The following DSCAM variants were observed in gnomAD, a reference collection of about 807,000 sequenced individuals.
DSCAM encodes cell adhesion molecule DSCAM.
Under a neutral mutation model 217.7 loss-of-function variants are expected in DSCAM, and 47 were observed. That is an observed-to-expected ratio of 0.22 (90% confidence interval 0.17 to 0.28). The LOEUF is 0.28. DSCAM is among the 10% of genes least tolerant of loss of function. The pLI is 1.00. For missense variants in DSCAM, 2,080 were observed against 2,618.3 expected, an observed-to-expected ratio of 0.79 and a Z score of 4.49; for synonymous variants, 1,056 against 1,015.3, an observed-to-expected ratio of 1.04 and a Z score of -0.76.
intron 1 of DSCAM, among the ~76,000 whole-genome samples, chr21:40,754,142 A>G (rs1601215561): frequency 6.6e-6 from 1 of 152,120 alleles, no homozygotes; most frequent in African/African-American, 2.4e-5. Flanking sequence ...CGCACACCAG[A>G]CCCTCCGACA....
chr21:40,175,508 G>T (rs1183178040), intron 15 of DSCAM, among the ~76,000 whole-genome samples: 1 of 151,978 alleles, frequency 6.6e-6, no homozygotes. Flanking sequence ...TCATTCTTCT[G>T]GTTCATAGAT....
chr21:40,697,958 C>T (rs780709943), intron 2 of DSCAM, among the ~76,000 whole-genome samples: 12 of 152,234 alleles, frequency 7.9e-5, no homozygotes, highest in South Asian at 2.1e-4. Context: ...TTCCAATCAA[C>T]GAGCATGAAA....
intron 3 of DSCAM, among the ~76,000 whole-genome samples, chr21:40,572,627 A>C (rs1177943217): frequency 1.3e-5 from 2 of 152,234 alleles, no homozygotes; most frequent in African/African-American, 4.8e-5. Flanking sequence ...GACCGAGTAC[A>C]ATTCAAGACA....
In DSCAM at chr21:40,785,054, C is replaced by T. The variant is rs140003973; in HGVS notation, c.43+61565G>A. ...CAGAAAGATAACTTCCAAGTCAACTCGATGATTCTGCACTAAAAGCTTTTT... is the reference window on the plus strand; with the variant it reads ...CAGAAAGATAACTTCCAAGTCAACTTGATGATTCTGCACTAAAAGCTTTTT... On this transcript the variant is annotated intron_variant, in intron 1 of 32. Transcript: ENST00000400454. Among the ~76,000 whole-genome samples, 809 of 152,264 alleles carry T rather than the reference C, an allele frequency of 5.3e-3. 8 individuals are homozygous for T. Among genetic ancestry groups the T allele is most frequent in the African/African-American group, 0.016 (681 of 41,550 alleles).
rs138647063 is a variant in DSCAM, at chr21:40,366,171, A to G, written c.655+2928T>C. On this transcript the variant is annotated intron_variant, in intron 4 of 32. Transcript: ENST00000400454. The stretch of plus-strand genomic sequence containing the variant: ...GTAGGGTTGTGCCATTTTAATATGT[A>G]GTCATTATGCATTCTTTTTAATGAC... Among the ~76,000 whole-genome samples, 3 of 152,262 alleles carry G rather than the reference A, an allele frequency of 2.0e-5. No individual in the cohort carries two copies. The South Asian group carries it at 6.2e-4, about 32-fold the overall frequency.
At chr21:40,720,399 T>C (rs145908322) in intron 1 of DSCAM, among the ~76,000 whole-genome samples, 157 of 152,336 alleles carry the variant, frequency 1.0e-3, no homozygotes, top group Non-Finnish European at 1.7e-3. Context: ...ATCAGTTAAA[T>C]GATGGGCTTA....
chr21:40,765,979 C>T (rs1329914838), intron 1 of DSCAM, among the ~76,000 whole-genome samples: 3 of 152,252 alleles, frequency 2.0e-5, no homozygotes, highest in Non-Finnish European at 4.4e-5. Flanking sequence ...CTCTGGCAGC[C>T]TCCCTCTTAC....
chr21:40,268,767 G>A (rs975459214), intron 11 of DSCAM, among the ~76,000 whole-genome samples: 1 of 152,070 alleles, frequency 6.6e-6, no homozygotes, highest in African/African-American at 2.4e-5. Flanking sequence ...TGGCCAACAT[G>A]GTGAAACCCC....
intron 3 of DSCAM, among the ~76,000 whole-genome samples, chr21:40,524,528 TATC>T (rs59048946): frequency 0.022 from 3,350 of 152,284 alleles, 119 homozygotes; most frequent in African/African-American, 0.075. Context: ...CTTTCTGTGT[TATC>T]ATGTATTAAC....
Position 40,016,473 on chromosome 21 carries a change from T to TA in DSCAM, c.5687-3088dup, listed in dbSNP as rs2088160415. 6.6e-6 allele frequency among the ~76,000 whole-genome samples: 1 copy of TA among 152,254 alleles called. No individual in the cohort carries two copies. The highest frequency in any genetic ancestry group is 2.4e-5 in the African/African-American group (1 of 41,476). ...AGACAAGATATCTAGTAGGTATTTT[T>TA]ATCATAGAAACGTAGCTCTAGGATG... On this transcript the variant is annotated intron_variant, in intron 32 of 32. Coordinates refer to ENST00000400454, the MANE Select transcript of DSCAM (RefSeq NM_001389.5). This position sits in a 1 kb window ranked among gnomAD's most constrained non-coding sequence, Gnocchi z 4.3.
intron 3 of DSCAM, among the ~76,000 whole-genome samples, chr21:40,571,210 G>A (rs1485878096): frequency 1.3e-5 from 2 of 151,614 alleles, no homozygotes; most frequent in Non-Finnish European, 2.9e-5. Flanking sequence ...AATTCAAAAT[G>A]CTGAAAAAAA....
chr21:40,079,503 C>G (rs925730084), intron 25 of DSCAM, among the ~76,000 whole-genome samples: 21 of 152,284 alleles, frequency 1.4e-4, no homozygotes, highest in African/African-American at 4.6e-4. Flanking sequence ...AAATAATACC[C>G]TTGCTATCTC....
intron 5 of DSCAM, 111 bp downstream of exon 5, chr21:40,353,354 A>G (rs565372722): frequency 1.1e-5 from 15 of 1,414,442 alleles, no homozygotes; most frequent in Non-Finnish European, 1.4e-5. Flanking sequence ...TCTCAGCTGG[A>G]CTGTTTTGGG....
intron 25 of DSCAM, among the ~76,000 whole-genome samples, chr21:40,079,442 C>T (rs192052689): frequency 2.1e-4 from 32 of 152,242 alleles, no homozygotes; most frequent in Non-Finnish European, 4.0e-4. Context: ...AATCAATCCC[C>T]GATCATTTGA....
chr21:40,566,314 G>C (rs1029543856), intron 3 of DSCAM, among the ~76,000 whole-genome samples: 1 of 151,996 alleles, frequency 6.6e-6, no homozygotes, highest in Non-Finnish European at 1.5e-5. Context: ...CCATCATCCA[G>C]AGAAGACAAG....
chr21:40,577,728 G>A (rs1157416646), intron 3 of DSCAM, among the ~76,000 whole-genome samples: 1 of 152,188 alleles, frequency 6.6e-6, no homozygotes, highest in East Asian at 1.9e-4. Flanking sequence ...CAATTTTACA[G>A]AAGTTAAGTA....
At chr21:40,609,451 C>T (rs1372383226) in intron 3 of DSCAM, among the ~76,000 whole-genome samples, 1 of 152,120 alleles carries the variant, frequency 6.6e-6, no homozygotes, top group South Asian at 2.1e-4. Context: ...TTATGTTTTG[C>T]CTGGCTTTCT....
At chr21:40,111,805 A>T (rs944136810) in intron 20 of DSCAM, among the ~76,000 whole-genome samples, 1 of 152,104 alleles carries the variant, frequency 6.6e-6, no homozygotes, top group African/African-American at 2.4e-5. Flanking sequence ...AACAAAGATC[A>T]AAAGAGACAA....
In DSCAM at chr21:40,301,648, C is replaced by T. The variant is rs77600233; in HGVS notation, c.2063-5474G>A. 8.7e-3 allele frequency among the ~76,000 whole-genome samples: 1,325 copies of T among 152,242 alleles called. 18 individuals carry two copies. Among genetic ancestry groups the T allele is most frequent in the African/African-American group, 0.029 (1,193 of 41,504 alleles). ...CTGTTTAACAGTCTGTGTCCCATAC[C>T]AGGCTGTGCATGCTATGAGAACAAG... On this transcript the variant is annotated intron_variant, in intron 9 of 32. Transcript: ENST00000400454.
Sources: allele counts gnomAD v4.1 joint callset (sites outside exome capture counted in the v4.1 genomes callset), GRCh38; gene constraint gnomAD v4.1.1; non-coding constraint Gnocchi (gnomAD v3.1); transcripts MANE v1.5; gene names NCBI Gene and HGNC (gene_info 2026-07-23, HGNC 2026-07-21).